Variants in DOCK3 observed in about 807,000 individuals in gnomAD.
DOCK3 encodes the protein dedicator of cytokinesis protein 3.
DOCK3 carries 60 observed loss-of-function variants against 265.6 expected under a neutral mutation model. The ratio of observed to expected loss-of-function variants is 0.23; its 90% CI spans 0.18 to 0.28. The LOEUF (loss-of-function observed/expected upper bound fraction) is 0.28, where lower values mean the gene tolerates loss of function less well. Ranked by LOEUF, DOCK3 falls within the 10% of genes least tolerant of loss-of-function variation. The pLI is 1.00. For missense variants in DOCK3, 1,981 were observed against 2,594.3 expected, an observed-to-expected ratio of 0.76 and a Z score of 5.14; for synonymous variants, 881 against 938.0, an observed-to-expected ratio of 0.94 and a Z score of 1.11.
intron 4 of DOCK3, among the ~76,000 whole-genome samples, chr3:50,895,374 A>G (rs2048847107): frequency 6.6e-6 from 1 of 151,620 alleles, no homozygotes; most frequent in Non-Finnish European, 1.5e-5. Flanking sequence ...CCCAGCATTC[A>G]TTAGCTGTTC....
At chr3:51,213,572 C>T (rs1044304503) in intron 13 of DOCK3, among the ~76,000 whole-genome samples, 10 of 152,156 alleles carry the variant, frequency 6.6e-5, no homozygotes, top group Admixed American at 3.3e-4. Flanking sequence ...CCCACAAAAG[C>T]GCCCTCTTTT....
At chr3:50,751,346 C>T (rs1451159427) in intron 1 of DOCK3, among the ~76,000 whole-genome samples, 1 of 151,514 alleles carries the variant, frequency 6.6e-6, no homozygotes, top group Non-Finnish European at 1.5e-5. Context: ...TGGTGGTTTG[C>T]TGTACCTATC....
Position 50,682,924 on chromosome 3 carries a change from G to A in DOCK3, c.37+7624G>A, listed in dbSNP as rs2034516995. Among the ~76,000 whole-genome samples the A allele has an allele frequency of 2.0e-5, 3 of 152,254 alleles. No homozygotes were observed. In the South Asian group the frequency reaches 6.2e-4, roughly 31 times the overall value. On this transcript the variant is annotated intron_variant, in intron 1 of 52. Transcript: ENST00000266037. The stretch of plus-strand genomic sequence containing the variant: ...ATTGCGCTCCAGCCTGGGTGACAGA[G>A]TAAGACTCTGTGATCCTCCCAAAGT...
intron 1 of DOCK3, among the ~76,000 whole-genome samples, chr3:50,725,187 T>C (rs964449481): frequency 1.3e-5 from 2 of 152,282 alleles, no homozygotes; most frequent in African/African-American, 4.8e-5. Context: ...CAACATCTTA[T>C]GGCGTTTATC....
chr3:50,691,791 T>C (rs1184040919), intron 1 of DOCK3, among the ~76,000 whole-genome samples: 1 of 152,184 alleles, frequency 6.6e-6, no homozygotes, highest in Non-Finnish European at 1.5e-5. Context: ...GTGGTTTTGA[T>C]TTGTATTTCC....
intron 4 of DOCK3, among the ~76,000 whole-genome samples, chr3:50,914,085 CT>C (rs988327990): frequency 2.3e-5 from 3 of 129,674 alleles, no homozygotes; most frequent in Admixed American, 1.6e-4. Context: ...TTATTTGGGT[CT>C]TTTTTTTCAT....
At chr3:51,039,000 T>A (rs1423170569) in intron 5 of DOCK3, among the ~76,000 whole-genome samples, 3 of 151,824 alleles carry the variant, frequency 2.0e-5, no homozygotes, top group African/African-American at 7.3e-5. Context: ...AATTTTATTA[T>A]TATTATTATT....
At chr3:50,833,662 A>G (rs772794517) in intron 2 of DOCK3, among the ~76,000 whole-genome samples, 4 of 152,144 alleles carry the variant, frequency 2.6e-5, no homozygotes, top group African/African-American at 7.2e-5. Flanking sequence ...GGGACTGTGT[A>G]GACAAGATAT....
At chr3:51,151,935 C>T (rs1434684975) in intron 10 of DOCK3, among the ~76,000 whole-genome samples, 2 of 152,092 alleles carry the variant, frequency 1.3e-5, no homozygotes, top group Non-Finnish European at 2.9e-5. Flanking sequence ...ACATTTTTTC[C>T]TTCATTTCAA....
At chr3:50,835,109 T>C (rs73833935) in intron 2 of DOCK3, among the ~76,000 whole-genome samples, 3,798 of 152,292 alleles carry the variant, frequency 0.025, 182 homozygotes, top group African/African-American at 0.087. Context: ...ACACAGACTT[T>C]TTTTACAAGA....
chr3:50,789,107 T>C (rs1401425059), intron 2 of DOCK3, among the ~76,000 whole-genome samples: 3 of 152,192 alleles, frequency 2.0e-5, no homozygotes, highest in Non-Finnish European at 4.4e-5. Flanking sequence ...TTAGACTTTT[T>C]GATATAGGTG....
intron 5 of DOCK3, among the ~76,000 whole-genome samples, chr3:50,977,049 G>C (rs1439798026): frequency 6.7e-6 from 1 of 149,960 alleles, no homozygotes; most frequent in African/African-American, 2.4e-5. Context: ...CTGCATGTGA[G>C]ATGGGTTTCC....
chr3:50,830,687 C>G (rs1460875922), intron 2 of DOCK3, among the ~76,000 whole-genome samples: 1 of 152,190 alleles, frequency 6.6e-6, no homozygotes, highest in Non-Finnish European at 1.5e-5. Context: ...TGCAGCTTCT[C>G]TGTCAGTACC....
At chr3:51,160,881 T>C (rs371722366) in intron 12 of DOCK3, among the ~76,000 whole-genome samples, 179 bp downstream of exon 12, 55 of 148,284 alleles carry the variant, frequency 3.7e-4, no homozygotes, top group Middle Eastern at 3.8e-3. Flanking sequence ...TCGAGACCAT[T>C]CTGGCTAACA....
At chr3:50,912,946 C>T (rs540192684) in intron 4 of DOCK3, among the ~76,000 whole-genome samples, 22 of 152,124 alleles carry the variant, frequency 1.4e-4, no homozygotes, top group African/African-American at 5.1e-4. Context: ...CCCTACTGAC[C>T]GGTGACCAAG....
chr3:51,257,770 C>G (rs1386358623), intron 22 of DOCK3, among the ~76,000 whole-genome samples: 1 of 152,222 alleles, frequency 6.6e-6, no homozygotes, highest in Non-Finnish European at 1.5e-5. Context: ...TCCATTGTCT[C>G]TACACAGTAT....
intron 1 of DOCK3, among the ~76,000 whole-genome samples, chr3:50,742,329 G>C (rs2039102626): frequency 6.6e-6 from 1 of 152,192 alleles, no homozygotes; most frequent in African/African-American, 2.4e-5. Context: ...ACCAGCAACG[G>C]AACAAAGCTG....
chr3:51,286,032 C>G (rs1048228547), intron 27 of DOCK3, among the ~76,000 whole-genome samples: 1 of 152,166 alleles, frequency 6.6e-6, no homozygotes, highest in Non-Finnish European at 1.5e-5. Flanking sequence ...CAAACTATCT[C>G]TATTTACAGA....
intron 9 of DOCK3, among the ~76,000 whole-genome samples, chr3:51,119,363 G>T (rs1489813133): frequency 4.6e-5 from 7 of 152,132 alleles, no homozygotes; most frequent in Non-Finnish European, 7.4e-5. Flanking sequence ...TCTCTTTGTG[G>T]ATAACCTGAC....
Sources: allele counts gnomAD v4.1 joint callset (sites outside exome capture counted in the v4.1 genomes callset), GRCh38; gene constraint gnomAD v4.1.1; transcripts MANE v1.5; gene names NCBI Gene and HGNC (gene_info 2026-07-23, HGNC 2026-07-21).